NSMF: variants seen among roughly 807,000 people sequenced by gnomAD.
NSMF encodes nasal embryonic LHRH factor.
In NSMF, 31 loss-of-function variants were observed where a neutral mutation model predicts 71.0. That is an observed-to-expected ratio of 0.44 (90% CI 0.33 to 0.59). The LOEUF (loss-of-function observed/expected upper bound fraction) is 0.59, where lower values mean the gene tolerates loss of function less well. Ranked by LOEUF, NSMF falls within the 20% of genes least tolerant of loss-of-function variation. The pLI, the probability that NSMF is intolerant of heterozygous loss-of-function variation, is 0.04. For synonymous variants in NSMF, 345 were observed against 287.1 expected (o/e 1.20, Z -2.04); for missense variants, 673 against 740.5 (o/e 0.91, Z 1.06).
chr9:137,451,092 A>G (rs1266253833), intron 12 of NSMF, among the ~76,000 whole-genome samples: 4 of 36,854 alleles, frequency 1.1e-4, no homozygotes, highest in Non-Finnish European at 4.8e-5. Flanking sequence ...CTTCCCCTTG[A>G]TCTTCCCCTG....
At position 137,453,002 on chromosome 9, in the gene NSMF, T is replaced by A; in HGVS notation, c.1047+54A>T. 1 of 1,608,860 alleles carries A rather than the reference T, an allele frequency of 6.2e-7. No individual in the cohort carries two copies. Among genetic ancestry groups the A allele is most frequent in the South Asian group, 1.1e-5 (1 of 90,966 alleles). On this transcript the variant is annotated intron_variant, in intron 9 of 15. Transcript: ENST00000371475. This position sits in a 1 kb window ranked among gnomAD's most constrained non-coding sequence, Gnocchi z 4.5. ...CAGGCAGAGCTGGCTGGACTCGGGT[T>A]GGGGCGGAGTCCTGCTCGGGGTGTA... is the stretch of plus-strand genomic sequence containing the variant.
Position 137,453,974 on chromosome 9 carries a change from G to A in NSMF, c.833-154C>T, listed in dbSNP as rs940626965. 1.3e-5 allele frequency among the ~76,000 whole-genome samples: 2 copies of A among 152,162 alleles called. No homozygotes were observed. Among genetic ancestry groups the A allele is most frequent in the South Asian group, 2.1e-4 (1 of 4,812 alleles). On this transcript the variant is annotated intron_variant, in intron 7 of 15. Coordinates refer to ENST00000371475, the MANE Select transcript of NSMF (RefSeq NM_001130969.3). The surrounding 1 kb of genome is among the most constrained non-coding windows in gnomAD (Gnocchi z 4.5). Reference sequence around the variant, plus strand: ...TGAAGCAGACACGGACCAGAGGCTCGGTTGGTTCAGGGGCAGGATCTGAGA... The same window carrying A: ...TGAAGCAGACACGGACCAGAGGCTCAGTTGGTTCAGGGGCAGGATCTGAGA...
intron 6 of NSMF, chr9:137,455,014 A>G (rs1231665798): frequency 4.1e-6 from 3 of 726,518 alleles, no homozygotes; most frequent in Admixed American, 4.0e-5. Context: ...TGCTGGCCCC[A>G]GCCCAGACAG....
chr9:137,458,832 G>A (rs1831015416), intron 1 of NSMF, among the ~76,000 whole-genome samples, 200 bp downstream of exon 1: 2 of 152,126 alleles, frequency 1.3e-5, no homozygotes, highest in South Asian at 2.1e-4. Flanking sequence ...GGGTGCGCTC[G>A]CCCACCACGC....
intron 4 of NSMF, 24 bp from the exon 5 acceptor site, chr9:137,455,658 G>A: frequency 6.5e-7 from 1 of 1,550,338 alleles, no homozygotes; most frequent in Non-Finnish European, 8.7e-7. Context: ...CAGAAGGGAT[G>A]GCGTGAGAGA....
Position 137,448,797 on chromosome 9 carries a change from ACAGTCGGAGACTCGGC to A in NSMF, c.*581_*596del, listed in dbSNP as rs1839734552. 1 of 162,212 alleles carries A rather than the reference ACAGTCGGAGACTCGGC, an allele frequency of 6.2e-6. No individual in the cohort carries two copies. Among genetic ancestry groups the A allele is most frequent in the Non-Finnish European group, 1.4e-5 (1 of 73,466 alleles). The allele number at this position is 162,212 out of a possible 1,614,324, so 10.0% of individuals were successfully genotyped here. A position where few individuals can be genotyped will look rare whatever the true frequency, so the allele number is the denominator to read the frequency against. On this transcript the variant is annotated 3_prime_UTR_variant, in exon 16 of 16. Transcript: ENST00000371475. The surrounding 1 kb of genome is among the most constrained non-coding windows in gnomAD (Gnocchi z 5.3). Reference sequence around the variant, plus strand: ...AAGAGGAGTGTAAGTGAAAGCACAGACAGTCGGAGACTCGGCCAGTGTAGACAGACCCAGAGACTCG... The same window carrying A: ...AAGAGGAGTGTAAGTGAAAGCACAGACAGTGTAGACAGACCCAGAGACTCG...
At position 137,453,030 on chromosome 9, in the gene NSMF, G is replaced by A; in HGVS notation, c.1047+26C>T. On this transcript the variant is annotated intron_variant, in intron 9 of 15. Coordinates refer to ENST00000371475, the MANE Select transcript of NSMF (RefSeq NM_001130969.3). This position sits in a 1 kb window ranked among gnomAD's most constrained non-coding sequence, Gnocchi z 4.5. ...GGCGGAGTCCTGCTCGGGGTGTAGA[G>A]GAGCACTGCCCGGGCTGGGCCTCAC... 1.9e-6 allele frequency: 3 copies of A among 1,611,500 alleles called. No homozygotes were observed. Among genetic ancestry groups the A allele is most frequent in the South Asian group, 1.1e-5 (1 of 91,050 alleles).
chr9:137,458,331 C>T (rs1564269850), intron 2 of NSMF, among the ~76,000 whole-genome samples, 157 bp downstream of exon 2: 1 of 152,218 alleles, frequency 6.6e-6, no homozygotes, highest in South Asian at 2.1e-4. Flanking sequence ...TCCTGGGGCT[C>T]GGGCAGGGAG....
In NSMF at chr9:137,450,390, C is replaced by T. The variant is rs1830420966; in HGVS notation, c.1237-135G>A. 10 of 712,324 alleles carry T rather than the reference C, an allele frequency of 1.4e-5. 1 individual carries two copies. In the East Asian group the frequency reaches 1.6e-4, roughly 12 times the overall value. 44.1% of individuals were successfully genotyped at this position (712,324 alleles called of 1,614,324 possible). ...GCTTCTTCCCCTTGATCTCCCCCAC[C>T]ACACGTCTTTCCCTTGATCTCCCCC... is the stretch of plus-strand genomic sequence containing the variant. On this transcript the variant is annotated intron_variant, in intron 12 of 15. Coordinates refer to ENST00000371475, the MANE Select transcript of NSMF (RefSeq NM_001130969.3).
chr9:137,450,358 C>T (rs1486711390), intron 12 of NSMF, 103 bp from the exon 13 acceptor site: 13 of 902,826 alleles, frequency 1.4e-5, no homozygotes, highest in Non-Finnish European at 2.0e-5. Context: ...CTTCATCCCC[C>T]GGCCACGCTT....
Position 137,457,870 on chromosome 9 carries a change from G to C in NSMF, c.165C>G (p.His55Gln), listed in dbSNP as rs770992002. ...DHLLADAYSG[H>Q]DGSPEMQPAP... ...CCGGCTGCATCTCGGGGGACCCGTC[G>C]TGGCCAGAGTAGGCATCAGCCAGCA... is the stretch of plus-strand genomic sequence containing the variant. Residue 55 changes from histidine (H) to glutamine (Q), a missense_variant, in exon 3 of 16, where the codon CAC (histidine) becomes CAG (glutamine). Physicochemically the swap from His to Gln is conservative, Grantham distance 24 (BLOSUM62 0). Around this residue, in one of 2 missense-constraint regions of NSMF, gnomAD observed 471 missense variants for 459.6 expected, o/e 1.02. Coordinates refer to ENST00000371475, the MANE Select transcript of NSMF (RefSeq NM_001130969.3). 1.9e-6 allele frequency: 3 copies of C among 1,548,064 alleles called. No homozygotes were observed. Among genetic ancestry groups the C allele is most frequent in the African/African-American group, 1.4e-5 (1 of 73,382 alleles).
At chr9:137,456,617 G>A (rs1248447923) in intron 3 of NSMF, 131 bp from the exon 4 acceptor site, 2 of 735,250 alleles carry the variant, frequency 2.7e-6, no homozygotes, top group African/African-American at 3.5e-5. Context: ...GGTGGGGGGA[G>A]GGTGGCATCC....
chr9:137,453,744 G>C lies in NSMF; in HGVS notation c.909C>G (p.His303Gln). 6.2e-7 allele frequency: 1 copy of C among 1,601,916 alleles called. No homozygotes were observed. Among genetic ancestry groups the C allele is most frequent in the Non-Finnish European group, 8.5e-7 (1 of 1,178,164 alleles). ...CGGGGCACCTACTGTCTCGGGAGTC[G>C]TGGGAAGTGTCGGCTTTCATGGGGG... ...DPTPMKADTS[H>Q]DSRDSSDLQS... Residue 303 changes from histidine to glutamine, a missense_variant, in exon 8 of 16, where the codon CAC becomes CAG. Around this residue, in one of 2 missense-constraint regions of NSMF, gnomAD observed 471 missense variants for 459.6 expected, o/e 1.02. Coordinates refer to ENST00000371475, the MANE Select transcript of NSMF (RefSeq NM_001130969.3). This position sits in a 1 kb window ranked among gnomAD's most constrained non-coding sequence, Gnocchi z 4.5.
rs1588510288 is a variant in NSMF at position 137,457,678 on chromosome 9, A to G, written c.357T>C (p.Ile119=). The G allele has an allele frequency of 1.3e-6, 2 of 1,551,052 alleles. No homozygotes were observed. The highest frequency in any genetic ancestry group is 1.7e-6 in the Non-Finnish European group (2 of 1,147,306). The change falls in exon 3 of 16, where the codon ATT becomes ATC. Residue 119 remains isoleucine, a synonymous_variant. Transcript: ENST00000371475. The stretch of plus-strand genomic sequence containing the variant: ...GCCGCCCCTTCACCACCGCCAGCTC[A>G]ATGGCCTCCGCCTCAGGGCTGGGCA... The part of the protein sequence containing the change: ...ALLPSPEAEA[I]ELAVVKGRRQ...
chr9:137,452,433 C>T lies in NSMF; in HGVS notation c.1168G>A (p.Glu390Lys). ...EHATFEDILE[E>K]IERKLNVYHK... is the part of the protein sequence containing the mutation. Reference sequence around the variant, plus strand: ...TAGACGTTCAGCTTCCTCTCTATCTCCTCTGTGGGAGAGCGGGTGTGAGTG... The same window carrying T: ...TAGACGTTCAGCTTCCTCTCTATCTTCTCTGTGGGAGAGCGGGTGTGAGTG... Residue 390 changes from glutamate (E) to lysine (K), a missense_variant and splice_region_variant, in exon 12 of 16, where the codon GAG (glutamate) becomes AAG (lysine). Glu to Lys is a moderately conservative substitution (Grantham distance 56). This residue lies in a region of NSMF where 202 missense variants were observed against 280.8 expected (regional missense o/e 0.72). Coordinates refer to ENST00000371475, the MANE Select transcript of NSMF (RefSeq NM_001130969.3). The T allele has an allele frequency of 6.2e-7, 1 of 1,612,684 alleles. No homozygotes were observed. The highest frequency in any genetic ancestry group is 1.7e-4 in the Middle Eastern group (1 of 6,058).
Position 137,449,338 on chromosome 9 carries a change from C to T in NSMF, c.*56G>A, listed in dbSNP as rs961844166. 1 of 1,483,972 alleles carries T rather than the reference C, an allele frequency of 6.7e-7. No homozygotes were observed. Among genetic ancestry groups the T allele is most frequent in the Non-Finnish European group, 9.4e-7 (1 of 1,067,310 alleles). The allele number at this position is 1,483,972 out of a possible 1,614,324, so 91.9% of individuals were successfully genotyped here. ...CGGGGAGCACGAGGCGGCCCAGCCCCAGGTCCCGGTGCAGAGGGAGTGGCC... is the reference window on the plus strand; with the variant it reads ...CGGGGAGCACGAGGCGGCCCAGCCCTAGGTCCCGGTGCAGAGGGAGTGGCC... On this transcript the variant is annotated 3_prime_UTR_variant, in exon 16 of 16. Transcript: ENST00000371475.
At position 137,453,461 on chromosome 9, in the gene NSMF, C is replaced by G. The variant is rs539624068; in HGVS notation, c.922+270G>C. 4.1e-4 allele frequency: 247 copies of G among 599,490 alleles called. 4 individuals are homozygous for G. Among genetic ancestry groups the G allele is most frequent in the South Asian group, 2.1e-3 (105 of 50,486 alleles). The allele number at this position is 599,490 out of a possible 1,614,324, so 37.1% of individuals were successfully genotyped here. A position where few individuals can be genotyped will look rare whatever the true frequency, so the allele number is the denominator to read the frequency against. ...CCGGGCGCCTGGGAGGGAGTGGGGG[C>G]GGGCACCGCAGCCCCCTGCCCCTGA... On this transcript the variant is annotated intron_variant, in intron 8 of 15. Coordinates refer to ENST00000371475, the MANE Select transcript of NSMF (RefSeq NM_001130969.3). This position sits in a 1 kb window ranked among gnomAD's most constrained non-coding sequence, Gnocchi z 4.5.
chr9:137,454,979 T>C (rs762567978), intron 6 of NSMF: 21 of 714,772 alleles, frequency 2.9e-5, no homozygotes, highest in Non-Finnish European at 4.6e-5. Flanking sequence ...ATCTGTGTGA[T>C]TGGAGTGGGG....
At chr9:137,450,094 G>A in intron 13 of NSMF, 69 bp from the exon 14 acceptor site, 1 of 1,586,694 alleles carries the variant, frequency 6.3e-7, no homozygotes, top group Non-Finnish European at 8.6e-7. Context: ...GGACCGTGGA[G>A]GAGGGGCTGT....
Sources: gnomAD v4.1 joint callset for allele counts (sites outside exome capture counted in the v4.1 genomes callset) on GRCh38, gnomAD v4.1.1 for gene constraint, gnomAD v4.1.1 regional missense constraint, Gnocchi (gnomAD v3.1) non-coding constraint, MANE v1.5 for transcripts, NCBI Gene and HGNC (gene_info 2026-07-23, HGNC 2026-07-21) for gene names.